ANKRA2: variants seen among roughly 807,000 people sequenced by gnomAD.
ANKRA2 encodes ankyrin repeat family A protein 2.
In ANKRA2, 33 loss-of-function variants were observed where a neutral mutation model predicts 37.8. The observed-to-expected ratio is 0.87, with a 90% CI of 0.66 to 1.17. ANKRA2 has a LOEUF of 1.17. ANKRA2 is among the 50% of genes most tolerant of loss of function. ANKRA2 has a pLI of 0.00. For synonymous variants in ANKRA2, 126 were observed against 132.3 expected (o/e 0.95, Z 0.33); for missense variants, 326 against 373.7 (o/e 0.87, Z 1.05).
rs368575233 is a variant in ANKRA2, at chr5:73,557,623, A to G, written c.466T>C (p.Leu156=). The part of the protein sequence containing the change: ...LLANSLSVHQ[L]AAQGEMLYLA... ...TAGAGCATCTCTCCCTGAGCAGCCA[A>G]CTGGTGAACAGACAAAGCTGAAAGA... is the stretch of plus-strand genomic sequence containing the variant. The change falls in exon 4 of 9, where the codon TTG becomes CTG. Residue 156 remains leucine (L), a synonymous_variant. Coordinates refer to ENST00000296785, the MANE Select transcript of ANKRA2 (RefSeq NM_023039.5). 3.7e-6 allele frequency: 6 copies of G among 1,610,592 alleles called. No individual in the cohort carries two copies. The highest frequency in any genetic ancestry group is 2.7e-5 in the African/African-American group (2 of 74,830).
intron 1 of ANKRA2, among the ~76,000 whole-genome samples, chr5:73,564,337 T>C (rs1290626825): frequency 6.6e-6 from 1 of 152,200 alleles, no homozygotes; most frequent in African/African-American, 2.4e-5. Flanking sequence ...CTAAGCTCTC[T>C]GAGCACCCTG....
rs550383971 is a variant in ANKRA2 at position 73,556,594 on chromosome 5, T to C, written c.514+981A>G. Among the ~76,000 whole-genome samples, 4 of 152,286 alleles carry C rather than the reference T, an allele frequency of 2.6e-5. No homozygotes were observed. In the South Asian group the frequency reaches 8.3e-4, roughly 32 times the overall value. On this transcript the variant is annotated intron_variant, in intron 4 of 8. Coordinates refer to ENST00000296785, the MANE Select transcript of ANKRA2 (RefSeq NM_023039.5). Reference sequence around the variant, plus strand: ...TGGGAAATCCTTTCTAAGCAAGATATACAATCCAGAAGTCACAAAGAAGAA... The same window carrying C: ...TGGGAAATCCTTTCTAAGCAAGATACACAATCCAGAAGTCACAAAGAAGAA...
chr5:73,557,579 T>C lies in ANKRA2; in HGVS notation c.510A>G (p.Glu170=). The C allele has an allele frequency of 6.2e-7, 1 of 1,602,302 alleles. No homozygotes were observed. Among genetic ancestry groups the C allele is most frequent in the Non-Finnish European group, 8.5e-7 (1 of 1,170,222 alleles). The change falls in exon 4 of 9, where the codon GAA becomes GAG. Residue 170 remains glutamate, a synonymous_variant. Transcript: ENST00000296785. Reference sequence around the variant, plus strand: ...TATTTTTAAATAGGCTATTACCTTGTTCGATACGAGTAGCCAGATAGAGCA... The same window carrying C: ...TATTTTTAAATAGGCTATTACCTTGCTCGATACGAGTAGCCAGATAGAGCA... ...GEMLYLATRI[E]QENVINHTDE... is the part of the protein sequence containing the mutation.
chr5:73,564,220 A>T (rs544989549), intron 1 of ANKRA2, among the ~76,000 whole-genome samples: 1 of 152,260 alleles, frequency 6.6e-6, no homozygotes, highest in Non-Finnish European at 1.5e-5. Flanking sequence ...TGTGCAATGC[A>T]TTAGTCCATG....
At chr5:73,555,730 G>A in intron 4 of ANKRA2, 145 bp from the exon 5 acceptor site, 1 of 699,686 alleles carries the variant, frequency 1.4e-6, no homozygotes, top group Non-Finnish European at 2.4e-6. Flanking sequence ...CCTATTTATT[G>A]CATGTTGTTG....
chr5:73,565,630 C>G lies in ANKRA2; in HGVS notation c.-603G>C. On this transcript the variant is annotated 5_prime_UTR_variant, in exon 1 of 9. Transcript: ENST00000296785. ...AGTTGACGGTTCTGGGTCACCAGAG[C>G]AGAGGAAGCCCCAATTTCGCCCTCC... 2.5e-6 allele frequency: 1 copy of G among 400,436 alleles called. No individual in the cohort carries two copies. The highest frequency in any genetic ancestry group is 1.8e-5 in the South Asian group (1 of 54,438). The allele number at this position is 400,436 out of a possible 1,614,324, so 24.8% of individuals were successfully genotyped here.
In ANKRA2 at chr5:73,557,572, T is replaced by C. The variant is rs1363869892; in HGVS notation, c.514+3A>G. 6.3e-7 allele frequency: 1 copy of C among 1,591,490 alleles called. No homozygotes were observed. Among genetic ancestry groups the C allele is most frequent in the South Asian group, 1.1e-5 (1 of 89,684 alleles). ...GTTTAAATATTTTTAAATAGGCTAT[T>C]ACCTTGTTCGATACGAGTAGCCAGA... is the stretch of plus-strand genomic sequence containing the variant. On this transcript the variant is annotated splice_donor_region_variant and intron_variant, in intron 4 of 8. Coordinates refer to ENST00000296785, the MANE Select transcript of ANKRA2 (RefSeq NM_023039.5).
rs1308524195 is a variant in ANKRA2, at chr5:73,552,818, C to T, written c.921G>A (p.Leu307=). The change falls in exon 9 of 9, where the codon CTG becomes CTA. Residue 307 remains leucine, a synonymous_variant. Coordinates refer to ENST00000296785, the MANE Select transcript of ANKRA2 (RefSeq NM_023039.5). ...QQVIESHLLK[L]LQNIKE is the part of the protein sequence containing the mutation. Reference sequence around the variant, plus strand: ...GTGTCTACTCCTTGATATTTTGAAGCAGCTTCAACAAATGTGACTCAATAA... The same window carrying T: ...GTGTCTACTCCTTGATATTTTGAAGTAGCTTCAACAAATGTGACTCAATAA... 6.2e-6 allele frequency: 10 copies of T among 1,607,248 alleles called. No individual in the cohort carries two copies. The highest frequency in any genetic ancestry group is 8.5e-6 in the Non-Finnish European group (10 of 1,175,110).
At chr5:73,563,974 A>G (rs1049488152) in intron 1 of ANKRA2, among the ~76,000 whole-genome samples, 5 of 152,240 alleles carry the variant, frequency 3.3e-5, no homozygotes, top group Admixed American at 6.5e-5. Flanking sequence ...TAGGAGGGGT[A>G]AAAAAGGAAG....
intron 6 of ANKRA2, 143 bp downstream of exon 6, chr5:73,554,718 A>G (rs1747351561): frequency 2.1e-6 from 2 of 973,486 alleles, no homozygotes; most frequent in Middle Eastern, 3.4e-4. Flanking sequence ...CTCCCGCTTC[A>G]GCCTCCCAAG....
intron 3 of ANKRA2, among the ~76,000 whole-genome samples, chr5:73,560,057 T>C (rs2112018427): frequency 6.6e-6 from 1 of 152,236 alleles, no homozygotes; most frequent in Admixed American, 6.5e-5. Flanking sequence ...ACACGCCGTG[T>C]CTAGCCCCAC....
Position 73,565,570 on chromosome 5 carries a change from A to G in ANKRA2, c.-543T>C. The G allele has an allele frequency of 4.2e-6, 1 of 236,774 alleles. No individual in the cohort carries two copies. Among genetic ancestry groups the G allele is most frequent in the South Asian group, 4.0e-5 (1 of 24,900 alleles). The allele number at this position is 236,774 out of a possible 1,614,324, so 14.7% of individuals were successfully genotyped here. On this transcript the variant is annotated 5_prime_UTR_variant, in exon 1 of 9. The change abolishes an upstream ATG in the 5' untranslated region. Transcript: ENST00000296785. ...TTGCCGCCTTTACGCTCCGAGGCCC[A>G]TCCTGCCGGAGTACTACACAGACAG... is the stretch of plus-strand genomic sequence containing the variant.
intron 3 of ANKRA2, 29 bp from the exon 4 acceptor site, chr5:73,557,669 A>C (rs752090959): frequency 2.6e-6 from 4 of 1,553,140 alleles, no homozygotes; most frequent in Non-Finnish European, 3.5e-6. Flanking sequence ...ATGCTTCATG[A>C]ATTATCTATA....
At chr5:73,558,701 T>C (rs183625430) in intron 3 of ANKRA2, among the ~76,000 whole-genome samples, 1 of 152,118 alleles carries the variant, frequency 6.6e-6, no homozygotes, top group African/African-American at 2.4e-5. Context: ...CACATCCAGA[T>C]AATTTTCATA....
chr5:73,562,659 CT>C lies in ANKRA2; in HGVS notation c.222del (p.Glu75LysfsTer37). The C allele has an allele frequency of 6.2e-7, 1 of 1,614,200 alleles. No homozygotes were observed. Among genetic ancestry groups the C allele is most frequent in the East Asian group, 2.2e-5 (1 of 44,884 alleles). On this transcript the variant is annotated frameshift_variant, in exon 2 of 9. Coordinates refer to ENST00000296785, the MANE Select transcript of ANKRA2 (RefSeq NM_023039.5). LOFTEE classifies it high-confidence loss of function. ...TGATCTTGAATATTTTTACTATCTTCTTCATTTAAGGACTTCACAAATCGAG... is the reference window on the plus strand; with the variant it reads ...TGATCTTGAATATTTTTACTATCTTCTCATTTAAGGACTTCACAAATCGAG... The part of the protein sequence containing the change: ...VCSRFVKSLN[E>X]EDSKNIQDQV...
At chr5:73,554,523 TAAATC>T (rs751936968) in intron 6 of ANKRA2, 135 bp from the exon 7 acceptor site, 8 of 642,116 alleles carry the variant, frequency 1.2e-5, no homozygotes, top group Admixed American at 3.3e-5. Flanking sequence ...GAAGGATACT[TAAATC>T]AGAACTAATA....
chr5:73,554,007 T>C (rs529450743), intron 7 of ANKRA2, among the ~76,000 whole-genome samples: 11 of 152,246 alleles, frequency 7.2e-5, no homozygotes, highest in Non-Finnish European at 1.5e-4. Context: ...TGATCTCAAG[T>C]GATCCACCCA....
At position 73,552,400 on chromosome 5, in the gene ANKRA2, T is replaced by A. The variant is rs15082; in HGVS notation, c.*397A>T. 105,384 of 155,090 alleles carry A rather than the reference T, an allele frequency of 0.68. 36,067 individuals are homozygous for A. The highest frequency in any genetic ancestry group is 0.83 in the East Asian group (4,349 of 5,266). 9.6% of individuals were successfully genotyped at this position (155,090 alleles called of 1,614,324 possible). On this transcript the variant is annotated 3_prime_UTR_variant, in exon 9 of 9. Transcript: ENST00000296785. ...TAAACAATCACACTGTGCACTTTTT[T>A]ATTCAACAATAAGAACAATTTTTTT...
Position 73,555,498 on chromosome 5 carries a change from A to G in ANKRA2, c.602T>C (p.Leu201Pro). Residue 201 changes from leucine to proline, a missense_variant, in exon 5 of 9, where the codon CTA becomes CCA. By Grantham distance (98) the Leu-to-Pro change is moderately conservative. Transcript: ENST00000296785. ...AHGQIAVVEF[L>P]LQNGADPQLL... is the part of the protein sequence containing the mutation. ...AGGCATTTTCCTTACATTCTGAAGT[A>G]GGAACTCTACCACAGCTATTTGCCC... 6.2e-7 allele frequency: 1 copy of G among 1,613,378 alleles called. No individual in the cohort carries two copies. The highest frequency in any genetic ancestry group is 8.5e-7 in the Non-Finnish European group (1 of 1,179,336).
Sources: allele counts gnomAD v4.1 joint callset (sites outside exome capture counted in the v4.1 genomes callset), GRCh38; gene constraint gnomAD v4.1.1; transcripts MANE v1.5; gene names NCBI Gene and HGNC (gene_info 2026-07-23, HGNC 2026-07-21).